Variants in ANO3 observed in about 807,000 individuals in gnomAD.
ANO3 encodes the protein anoctamin 3.
In ANO3, 99 loss-of-function variants were observed where a neutral mutation model predicts 144.8. That is an observed-to-expected ratio of 0.68 (90% CI 0.58 to 0.81). ANO3 has a LOEUF of 0.81. Among genes scored for constraint, ANO3 ranks in the 30% least tolerant of loss-of-function variants. ANO3 has a pLI of 0.00. For synonymous variants in ANO3, 414 were observed against 392.6 expected (o/e 1.05, Z -0.64); for missense variants, 905 against 1,202.2 (o/e 0.75, Z 3.66).
At chr11:26,343,976 AAC>A (rs1234665449) in intron 1 of ANO3, among the ~76,000 whole-genome samples, 1 of 152,238 alleles carries the variant, frequency 6.6e-6, no homozygotes, top group African/African-American at 2.4e-5. Flanking sequence ...ATTCAAATTT[AAC>A]ACACTTTCCT....
intron 4 of ANO3, among the ~76,000 whole-genome samples, chr11:26,499,458 CATTTT>C (rs1489552206): frequency 2.0e-5 from 3 of 151,390 alleles, no homozygotes. Flanking sequence ...TTAATCCTTT[CATTTT>C]GTTTTCTTAT....
intron 1 of ANO3, among the ~76,000 whole-genome samples, chr11:26,315,862 A>T (rs1854614551): frequency 6.6e-6 from 1 of 152,156 alleles, no homozygotes; most frequent in Non-Finnish European, 1.5e-5. Flanking sequence ...CCACTGCCTT[A>T]TAACCTTAAA....
At chr11:26,379,461 C>T (rs1434197597) in intron 1 of ANO3, among the ~76,000 whole-genome samples, 2 of 152,016 alleles carry the variant, frequency 1.3e-5, no homozygotes, top group African/African-American at 4.8e-5. Context: ...TGAGAGATGA[C>T]TGTGGCTTGG....
At chr11:26,503,586 C>T (rs1375726703) in intron 4 of ANO3, among the ~76,000 whole-genome samples, 1 of 152,068 alleles carries the variant, frequency 6.6e-6, no homozygotes, top group Non-Finnish European at 1.5e-5. Context: ...TTGGTATCTA[C>T]TTTTTATCGT....
At chr11:26,500,389 A>AG (rs1259200702) in intron 4 of ANO3, among the ~76,000 whole-genome samples, 3 of 152,116 alleles carry the variant, frequency 2.0e-5, no homozygotes, top group Non-Finnish European at 4.4e-5. Flanking sequence ...ACTGTTTTCC[A>AG]AAGATTCTGC....
At chr11:26,590,330 A>G (rs1340802262) in intron 14 of ANO3, among the ~76,000 whole-genome samples, 1 of 152,218 alleles carries the variant, frequency 6.6e-6, no homozygotes, top group Non-Finnish European at 1.5e-5. Context: ...ATATGATGTG[A>G]TATTTACTGC....
Position 26,660,559 on chromosome 11 carries a change from T to G in ANO3, c.*115T>G. On this transcript the variant is annotated 3_prime_UTR_variant, in exon 27 of 27. Coordinates refer to ENST00000256737, the MANE Select transcript of ANO3 (RefSeq NM_031418.4). ...TACTTGGCAAACCACATGTATAATA[T>G]GCTACTTGGAAATGTATCACAGCCA... 1.1e-6 allele frequency: 1 copy of G among 881,274 alleles called. No individual in the cohort carries two copies. The highest frequency in any genetic ancestry group is 1.7e-6 in the Non-Finnish European group (1 of 590,380). 54.6% of individuals were successfully genotyped at this position (881,274 alleles called of 1,614,324 possible). A position where few individuals can be genotyped will look rare whatever the true frequency, so the allele number is the denominator to read the frequency against.
chr11:26,444,566 G>C (rs72886272), intron 3 of ANO3, among the ~76,000 whole-genome samples: 3 of 151,870 alleles, frequency 2.0e-5, no homozygotes, highest in Non-Finnish European at 2.9e-5. Context: ...TCAGATCACT[G>C]GAGGGCTTTT....
intron 1 of ANO3, among the ~76,000 whole-genome samples, chr11:26,255,699 G>T (rs1853041639): frequency 6.6e-6 from 1 of 152,076 alleles, no homozygotes; most frequent in East Asian, 1.9e-4. Flanking sequence ...CTGATTAATT[G>T]ATAAGTAGGA....
chr11:26,200,948 G>C (rs938170967), intron 1 of ANO3, among the ~76,000 whole-genome samples: 4 of 152,084 alleles, frequency 2.6e-5, no homozygotes, highest in Non-Finnish European at 5.9e-5. Flanking sequence ...AATTCTCAAA[G>C]TTTAATTTTT....
At chr11:26,553,443 C>G (rs1344607522) in intron 13 of ANO3, 98 bp downstream of exon 13, 3 of 736,824 alleles carry the variant, frequency 4.1e-6, no homozygotes, top group Non-Finnish European at 6.6e-6. Context: ...GTTAAGTGTT[C>G]TCAAGAGTTT....
intron 1 of ANO3, among the ~76,000 whole-genome samples, chr11:26,261,848 C>T (rs1013778899): frequency 6.6e-6 from 1 of 152,116 alleles, no homozygotes; most frequent in Non-Finnish European, 1.5e-5. Flanking sequence ...TATTCTGAAA[C>T]GTTTGAATTA....
chr11:26,565,117 G>A (rs1324947377), intron 14 of ANO3: 13 of 1,476,684 alleles, frequency 8.8e-6, no homozygotes, highest in Non-Finnish European at 1.2e-5. Context: ...TGACTTATTT[G>A]GAATTTCAGT....
intron 1 of ANO3, among the ~76,000 whole-genome samples, chr11:26,243,055 A>G (rs929921316): frequency 5.9e-5 from 9 of 152,268 alleles, no homozygotes; most frequent in Non-Finnish European, 1.3e-4. Flanking sequence ...AAGGAGCAGT[A>G]ATCTCTTGCT....
At chr11:26,270,746 A>C (rs1853420880) in intron 1 of ANO3, among the ~76,000 whole-genome samples, 1 of 152,204 alleles carries the variant, frequency 6.6e-6, no homozygotes, top group African/African-American at 2.4e-5. Context: ...AAAGTTTATA[A>C]TCTATTGGGG....
intron 1 of ANO3, among the ~76,000 whole-genome samples, chr11:26,225,715 C>T (rs1376930121): frequency 6.6e-6 from 1 of 152,102 alleles, no homozygotes. Flanking sequence ...TTATGATCTA[C>T]AAGATTTAGG....
intron 1 of ANO3, among the ~76,000 whole-genome samples, chr11:26,288,171 G>A (rs770501991): frequency 6.6e-5 from 10 of 152,192 alleles, no homozygotes; most frequent in Non-Finnish European, 1.5e-4. Context: ...GGGTAGAGTG[G>A]AGAGGCATAA....
intron 1 of ANO3, among the ~76,000 whole-genome samples, chr11:26,439,657 C>G (rs987354279): frequency 6.6e-6 from 1 of 152,084 alleles, no homozygotes; most frequent in African/African-American, 2.4e-5. Flanking sequence ...ACTTTTAACT[C>G]CGAAAAGTCT....
chr11:26,395,606 G>T (rs577912318), intron 1 of ANO3, among the ~76,000 whole-genome samples: 3 of 152,008 alleles, frequency 2.0e-5, no homozygotes, highest in African/African-American at 7.2e-5. Context: ...AGGAATGCTT[G>T]TGATTTTTGC....
Sources: allele counts gnomAD v4.1 joint callset (sites outside exome capture counted in the v4.1 genomes callset), GRCh38; gene constraint gnomAD v4.1.1; transcripts MANE v1.5; gene names NCBI Gene and HGNC (gene_info 2026-07-23, HGNC 2026-07-21).